Variants in BCKDHB observed in about 807,000 individuals in gnomAD.
BCKDHB encodes the protein branched chain keto acid dehydrogenase E1 subunit beta.
BCKDHB carries 41 observed loss-of-function variants against 48.5 expected under a neutral mutation model. The observed-to-expected ratio is 0.85, with a 90% confidence interval of 0.66 to 1.10. BCKDHB has a LOEUF of 1.10. Ranked by LOEUF, BCKDHB falls within the 50% of genes least tolerant of loss-of-function variation. BCKDHB has a pLI of 0.00. For missense variants in BCKDHB, 496 were observed against 494.2 expected, an observed-to-expected ratio of 1.00 and a Z score of -0.03; for synonymous variants, 201 against 174.8, an observed-to-expected ratio of 1.15 and a Z score of -1.18.
chr6:80,428,773 C>A, the BCKDHB span, among the ~76,000 whole-genome samples: 1 of 151,804 alleles, frequency 6.6e-6, no homozygotes, highest in Admixed American at 6.6e-5. Flanking sequence ...GGATATTAGC[C>A]CTTTGTCAGA....
chr6:80,168,920 T>A lies in BCKDHB; in HGVS notation c.523T>A (p.Phe175Ile). 6.2e-7 allele frequency: 1 copy of A among 1,614,152 alleles called. No individual in the cohort carries two copies. The highest frequency in any genetic ancestry group is 8.5e-7 in the Non-Finnish European group (1 of 1,180,012). Residue 175 changes from phenylalanine (F) to isoleucine (I), a missense_variant, in exon 5 of 10, where the codon TTT becomes ATT. By Grantham distance (21) the Phe-to-Ile change is conservative (BLOSUM62 0). Coordinates refer to ENST00000320393, the MANE Select transcript of BCKDHB (RefSeq NM_183050.4). The stretch of plus-strand genomic sequence containing the variant: ...GTATCGCTATCGCTCTGGGGATCTT[T>A]TTAACTGTGGAAGCCTCACTATCCG... ...AKYRYRSGDL[F>I]NCGSLTIRSP...
At chr6:80,401,053 G>A in the BCKDHB span, among the ~76,000 whole-genome samples, 3 of 147,212 alleles carry the variant, frequency 2.0e-5, no homozygotes, top group Non-Finnish European at 4.4e-5. Flanking sequence ...CAGACAGTGG[G>A]GCCTATTGAA....
chr6:80,258,600 C>G (rs1777156289), intron 8 of BCKDHB, among the ~76,000 whole-genome samples: 1 of 152,198 alleles, frequency 6.6e-6, no homozygotes, highest in Non-Finnish European at 1.5e-5. Context: ...CTGAGGCTCC[C>G]CCAGGCACCG....
chr6:80,425,042 C>T, the BCKDHB span, among the ~76,000 whole-genome samples: 1 of 152,128 alleles, frequency 6.6e-6, no homozygotes, highest in Non-Finnish European at 1.5e-5. Context: ...AGATGACTGT[C>T]TGAAAAAGAC....
chr6:80,250,345 T>G (rs1411739349), intron 8 of BCKDHB, among the ~76,000 whole-genome samples: 1 of 152,114 alleles, frequency 6.6e-6, no homozygotes, highest in Non-Finnish European at 1.5e-5. Flanking sequence ...GGCTGTAAAG[T>G]CCCAGCCTCT....
intron 3 of BCKDHB, among the ~76,000 whole-genome samples, chr6:80,158,640 T>C (rs917360533): frequency 6.6e-6 from 1 of 152,174 alleles, no homozygotes; most frequent in East Asian, 1.9e-4. Context: ...AATGACTCTT[T>C]TGCCAACTAG....
chr6:80,129,563 T>G (rs1230809008), intron 3 of BCKDHB, among the ~76,000 whole-genome samples: 1 of 152,136 alleles, frequency 6.6e-6, no homozygotes, highest in Admixed American at 6.6e-5. Flanking sequence ...TTGCCTCCAG[T>G]TGGAGATTCT....
intron 9 of BCKDHB, among the ~76,000 whole-genome samples, chr6:80,285,409 A>G (rs1183908239): frequency 6.6e-6 from 1 of 152,178 alleles, no homozygotes; most frequent in Non-Finnish European, 1.5e-5. Context: ...TTCAATTTTA[A>G]TAAAACCCGT....
At chr6:80,329,734 T>A (rs1769224832) in intron 9 of BCKDHB, among the ~76,000 whole-genome samples, 1 of 152,178 alleles carries the variant, frequency 6.6e-6, no homozygotes, top group South Asian at 2.1e-4. Context: ...GGAGTGCTTC[T>A]CCTGGGTTCT....
At chr6:80,418,288 C>G in the BCKDHB span, among the ~76,000 whole-genome samples, 1 of 152,098 alleles carries the variant, frequency 6.6e-6, no homozygotes, top group Non-Finnish European at 1.5e-5. Context: ...CTATTTCTGT[C>G]ATTTCAGCTA....
chr6:80,391,335 G>T, the BCKDHB span, among the ~76,000 whole-genome samples: 1 of 152,100 alleles, frequency 6.6e-6, no homozygotes, highest in Non-Finnish European at 1.5e-5. Flanking sequence ...ATGTGATTCA[G>T]TTGAGGATCT....
chr6:80,272,743 T>C (rs1450855744), intron 8 of BCKDHB, among the ~76,000 whole-genome samples: 1 of 152,176 alleles, frequency 6.6e-6, no homozygotes, highest in East Asian at 1.9e-4. Context: ...GCCATTGTTA[T>C]TTATGTGCAA....
intron 6 of BCKDHB, among the ~76,000 whole-genome samples, chr6:80,182,853 A>G (rs1377907018): frequency 2.0e-5 from 3 of 152,210 alleles, no homozygotes; most frequent in Admixed American, 2.0e-4. Context: ...CAAATATTGT[A>G]TAACTTGCTT....
chr6:80,233,053 T>C (rs1775999522), intron 8 of BCKDHB, among the ~76,000 whole-genome samples: 1 of 152,166 alleles, frequency 6.6e-6, no homozygotes, highest in South Asian at 2.1e-4. Flanking sequence ...TTTCTCTCAG[T>C]ACTCCCTGTG....
intron 8 of BCKDHB, among the ~76,000 whole-genome samples, chr6:80,253,856 T>C (rs1776936622): frequency 6.6e-6 from 1 of 152,018 alleles, no homozygotes; most frequent in Admixed American, 6.6e-5. Context: ...TTAGCTTTTA[T>C]AGGCCACTAA....
intron 8 of BCKDHB, among the ~76,000 whole-genome samples, chr6:80,243,059 C>T (rs959462995): frequency 1.3e-5 from 2 of 152,108 alleles, no homozygotes; most frequent in African/African-American, 2.4e-5. Flanking sequence ...ACTCTATAGT[C>T]ATATCTCAGC....
chr6:80,194,535 T>A (rs1774047701), intron 6 of BCKDHB, among the ~76,000 whole-genome samples: 1 of 152,186 alleles, frequency 6.6e-6, no homozygotes, highest in African/African-American at 2.4e-5. Flanking sequence ...GACAGTTCCT[T>A]TGTCTTTTTT....
At chr6:80,275,464 A>G (rs1274624249) in intron 9 of BCKDHB, among the ~76,000 whole-genome samples, 2 of 152,074 alleles carry the variant, frequency 1.3e-5, no homozygotes, top group African/African-American at 4.8e-5. Context: ...ATTATATTTA[A>G]TATTTTGGAT....
intron 1 of BCKDHB, among the ~76,000 whole-genome samples, chr6:80,118,269 A>T (rs2127714537): frequency 6.6e-6 from 1 of 152,340 alleles, no homozygotes; most frequent in South Asian, 2.1e-4. Flanking sequence ...ACACAAATGT[A>T]TTGGTTTCCC....
Sources: allele counts gnomAD v4.1 joint callset (sites outside exome capture counted in the v4.1 genomes callset), GRCh38; gene constraint gnomAD v4.1.1; transcripts MANE v1.5; gene names NCBI Gene and HGNC (gene_info 2026-07-23, HGNC 2026-07-21).